STK32B: variants seen among roughly 807,000 people sequenced by gnomAD.
STK32B encodes the protein serine/threonine kinase 32B, also known as serine/threonine-protein kinase 32B.
STK32B carries 43 observed loss-of-function variants against 52.6 expected under a neutral mutation model. The observed-to-expected ratio is 0.82, with a 90% CI of 0.64 to 1.05. The LOEUF is 1.05. STK32B is among the 50% of genes least tolerant of loss of function. The pLI is 0.00. For synonymous variants in STK32B, 238 were observed against 204.3 expected (o/e 1.17, Z -1.41); for missense variants, 621 against 534.6 (o/e 1.16, Z -1.59).
chr4:5,035,981 C>T, the STK32B span, among the ~76,000 whole-genome samples: 2 of 152,128 alleles, frequency 1.3e-5, no homozygotes, highest in East Asian at 3.9e-4. Context: ...AGAGTTTCGC[C>T]ATGTTGTTCA....
At chr4:5,257,174 A>G (rs548164611) in intron 3 of STK32B, among the ~76,000 whole-genome samples, 11 of 152,222 alleles carry the variant, frequency 7.2e-5, no homozygotes, top group Admixed American at 1.3e-4. Context: ...TGAATGAATG[A>G]GTGAGTGCAC....
chr4:5,242,156 A>T (rs944448863), intron 3 of STK32B, among the ~76,000 whole-genome samples: 1 of 152,148 alleles, frequency 6.6e-6, no homozygotes, highest in African/African-American at 2.4e-5. Flanking sequence ...TGCCATACTG[A>T]CATCCACAAT....
chr4:5,145,516 TCA>T (rs1360473803), intron 2 of STK32B, among the ~76,000 whole-genome samples: 1 of 152,162 alleles, frequency 6.6e-6, no homozygotes, highest in African/African-American at 2.4e-5. Flanking sequence ...AAAACCTCTC[TCA>T]AAGTCAACTA....
chr4:5,276,242 T>A (rs974623179), intron 3 of STK32B, among the ~76,000 whole-genome samples: 5 of 151,924 alleles, frequency 3.3e-5, no homozygotes, highest in African/African-American at 1.2e-4. Context: ...TGAGCCAAGA[T>A]TGCACCACTG....
chr4:5,045,648 C>T, the STK32B span, among the ~76,000 whole-genome samples: 2,076 of 152,144 alleles, frequency 0.014, 29 homozygotes, highest in Middle Eastern at 0.044. Context: ...TAACTGTATT[C>T]CTAGGTACTC....
chr4:5,368,374 T>C (rs112813896), intron 4 of STK32B, among the ~76,000 whole-genome samples: 530 of 89,840 alleles, frequency 5.9e-3, no homozygotes, highest in Middle Eastern at 0.016. Flanking sequence ...GGTCTACTAT[T>C]ATTCCTAATT....
At chr4:5,372,667 C>T (rs933980299) in intron 4 of STK32B, among the ~76,000 whole-genome samples, 6 of 149,710 alleles carry the variant, frequency 4.0e-5, no homozygotes, top group African/African-American at 1.5e-4. Context: ...TGTATCATTA[C>T]AGTAATAACT....
At position 5,223,221 on chromosome 4, in the gene STK32B, G is replaced by A. The variant is rs116726398; in HGVS notation, c.260+54771G>A. Among the ~76,000 whole-genome samples the A allele has an allele frequency of 7.7e-3, 1,174 of 152,268 alleles. 17 individuals are homozygous for A. The highest frequency in any genetic ancestry group is 0.027 in the African/African-American group (1,116 of 41,546). On this transcript the variant is annotated intron_variant, in intron 3 of 11. Coordinates refer to ENST00000282908, the MANE Select transcript of STK32B (RefSeq NM_018401.3). The stretch of plus-strand genomic sequence containing the variant: ...GTTTGCAGAGTGAACAAGCCATGGA[G>A]GCATTACTTTTTCCACCTAGATTTC...
In STK32B at chr4:5,486,797, C is replaced by T. The variant is rs534098311; in HGVS notation, c.1107-12148C>T. Among the ~76,000 whole-genome samples, 161 of 152,328 alleles carry T rather than the reference C, an allele frequency of 1.1e-3. 1 individual carries two copies. The highest frequency in any genetic ancestry group is 3.8e-3 in the African/African-American group (157 of 41,586). ...GGAAAGAATTGCAATTCAGGGCATA[C>T]ATTGCAGATTGGCTGGTCTTTAAGT... On this transcript the variant is annotated intron_variant, in intron 11 of 11. Transcript: ENST00000282908.
chr4:5,176,002 G>A (rs545800099), intron 3 of STK32B, among the ~76,000 whole-genome samples: 1 of 152,216 alleles, frequency 6.6e-6, no homozygotes, highest in African/African-American at 2.4e-5. Flanking sequence ...TGGCAATGGT[G>A]GGCGCCCCTC....
At chr4:5,496,776 T>G (rs114696320) in intron 11 of STK32B, among the ~76,000 whole-genome samples, 1,859 of 151,858 alleles carry the variant, frequency 0.012, 35 homozygotes, top group African/African-American at 0.043. Flanking sequence ...GAAGAGAATG[T>G]CTTTAACATG....
intron 2 of STK32B, among the ~76,000 whole-genome samples, chr4:5,141,227 A>T (rs574018003): frequency 2.0e-5 from 3 of 152,354 alleles, no homozygotes; most frequent in Admixed American, 6.5e-5. Context: ...TCCATATCAT[A>T]GATGGTTCTG....
intron 1 of STK32B, among the ~76,000 whole-genome samples, chr4:5,068,438 G>A (rs77505805): frequency 0.013 from 2,012 of 152,278 alleles, 55 homozygotes; most frequent in African/African-American, 0.045. Context: ...CCAAGTTGCT[G>A]ATATCTAATG....
chr4:5,481,678 G>C (rs1258891421), intron 11 of STK32B, among the ~76,000 whole-genome samples: 7 of 152,116 alleles, frequency 4.6e-5, no homozygotes, highest in African/African-American at 7.2e-5. Flanking sequence ...GTCCTGAATG[G>C]TATTGCCTAG....
intron 6 of STK32B, among the ~76,000 whole-genome samples, chr4:5,431,779 A>G (rs1474283723): frequency 6.6e-6 from 1 of 152,204 alleles, no homozygotes; most frequent in Admixed American, 6.5e-5. Flanking sequence ...TATCAGACTG[A>G]TGCAGTGGTT....
chr4:5,210,732 T>C (rs1722855085), intron 3 of STK32B, among the ~76,000 whole-genome samples: 1 of 152,110 alleles, frequency 6.6e-6, no homozygotes, highest in Admixed American at 6.5e-5. Flanking sequence ...TTGGAACACT[T>C]ACAGTATAGT....
At chr4:5,455,203 A>G (rs775970997) in intron 7 of STK32B, among the ~76,000 whole-genome samples, 2 of 152,212 alleles carry the variant, frequency 1.3e-5, no homozygotes, top group Non-Finnish European at 2.9e-5. Flanking sequence ...TAGCCCTACC[A>G]AGGATCGGGA....
Position 5,372,657 on chromosome 4 carries a change from T to C in STK32B, c.435-25550T>C, listed in dbSNP as rs565197882. On this transcript the variant is annotated intron_variant, in intron 4 of 11. Coordinates refer to ENST00000282908, the MANE Select transcript of STK32B (RefSeq NM_018401.3). Reference sequence around the variant, plus strand: ...TATTTAATAAAATTTCAGCTCTACCTGTATCATTACAGTAATAACTGCATC... The same window carrying C: ...TATTTAATAAAATTTCAGCTCTACCCGTATCATTACAGTAATAACTGCATC... Among the ~76,000 whole-genome samples, 18 of 149,796 alleles carry C rather than the reference T, an allele frequency of 1.2e-4. No homozygotes were observed. The South Asian group carries it at 2.6e-3, about 21-fold the overall frequency.
chr4:5,066,847 C>G (rs540993687), intron 1 of STK32B, among the ~76,000 whole-genome samples: 1 of 152,352 alleles, frequency 6.6e-6, no homozygotes, highest in South Asian at 2.1e-4. Context: ...TCATCTCCCA[C>G]TTATCTTTCT....
Sources: allele counts gnomAD v4.1 joint callset (sites outside exome capture counted in the v4.1 genomes callset), GRCh38; gene constraint gnomAD v4.1.1; transcripts MANE v1.5; gene names NCBI Gene and HGNC (gene_info 2026-07-23, HGNC 2026-07-21).